Variants in NPEPPS observed in about 807,000 individuals in gnomAD.
NPEPPS encodes puromycin-sensitive aminopeptidase.
In NPEPPS, 14 loss-of-function variants were observed where a neutral mutation model predicts 115.5. The ratio of observed to expected loss-of-function variants is 0.12; its 90% CI spans 0.08 to 0.19. The LOEUF is 0.19. NPEPPS is among the 10% of genes least tolerant of loss of function. The pLI, the probability that NPEPPS is intolerant of heterozygous loss-of-function variation, is 1.00. For missense variants in NPEPPS, 523 were observed against 1,110.8 expected (o/e 0.47, Z 7.52); for synonymous variants, 285 against 390.6 (o/e 0.73, Z 3.19).
chr17:47,548,468 G>GT (rs1314940683), intron 2 of NPEPPS: 2 of 151,948 alleles, frequency 1.3e-5, no homozygotes, highest in Non-Finnish European at 2.9e-5. Flanking sequence ...AAAGTGGTAT[G>GT]TAGATAGGTA....
chr17:47,600,282 A>G (rs1486860946), intron 14 of NPEPPS, among the ~76,000 whole-genome samples: 1 of 152,122 alleles, frequency 6.6e-6, no homozygotes, highest in Non-Finnish European at 1.5e-5. Context: ...AAATAAATAA[A>G]TAAAATTAGC....
At chr17:47,610,888 C>CT (rs1356180731) in intron 17 of NPEPPS, among the ~76,000 whole-genome samples, 121 of 121,148 alleles carry the variant, frequency 1.0e-3, no homozygotes, top group Admixed American at 1.6e-3. Flanking sequence ...GAGTCTCACT[C>CT]TGTCTCCAGG....
At chr17:47,603,046 T>C (rs1214413828) in intron 15 of NPEPPS, among the ~76,000 whole-genome samples, 1 of 152,178 alleles carries the variant, frequency 6.6e-6, no homozygotes, top group Non-Finnish European at 1.5e-5. Context: ...ATTTGTATCT[T>C]ACTGTTTTAC....
chr17:47,604,961 C>T (rs1913426477), intron 16 of NPEPPS, among the ~76,000 whole-genome samples: 1 of 152,102 alleles, frequency 6.6e-6, no homozygotes, highest in Non-Finnish European at 1.5e-5. Context: ...TGCAGTTTTT[C>T]TGAAAGTATG....
At chr17:47,614,902 G>A (rs1914091821) in intron 19 of NPEPPS, among the ~76,000 whole-genome samples, 2 of 152,080 alleles carry the variant, frequency 1.3e-5, no homozygotes, top group South Asian at 4.1e-4. Context: ...ATGATAATCA[G>A]CTTCACTGTA....
chr17:47,544,855 G>GGT (rs1464233324), intron 1 of NPEPPS, among the ~76,000 whole-genome samples: 1 of 147,952 alleles, frequency 6.8e-6, no homozygotes, highest in Non-Finnish European at 1.5e-5. Flanking sequence ...TGGGATTACA[G>GGT]GTGTGTGCCA....
intron 8 of NPEPPS, chr17:47,586,705 T>G: frequency 2.0e-6 from 1 of 506,328 alleles, no homozygotes. Flanking sequence ...TTCCCTAATT[T>G]CATATCTTCT....
chr17:47,622,714 AT>A lies in NPEPPS; in HGVS notation c.*801del. ...TAAATAAGAGAAACTGATATACATT[AT>A]TTTTTTCTTTTTAAAGATGACTTAT... On this transcript the variant is annotated 3_prime_UTR_variant, in exon 23 of 23. Transcript: ENST00000322157. The A allele has an allele frequency of 1.0e-5, 4 of 392,578 alleles. No individual in the cohort carries two copies. Among genetic ancestry groups the A allele is most frequent in the South Asian group, 1.9e-5 (1 of 51,584 alleles). 24.3% of individuals were successfully genotyped at this position (392,578 alleles called of 1,614,324 possible). A position where few individuals can be genotyped will look rare whatever the true frequency, so the allele number is the denominator to read the frequency against.
intron 1 of NPEPPS, among the ~76,000 whole-genome samples, chr17:47,536,109 A>G (rs916301226): frequency 1.3e-5 from 2 of 152,118 alleles, no homozygotes; most frequent in Non-Finnish European, 2.9e-5. Context: ...TGTTGGGATT[A>G]CAGGCGTGAG....
At chr17:47,574,189 C>T (rs1007281292) in intron 3 of NPEPPS, among the ~76,000 whole-genome samples, 5 of 151,944 alleles carry the variant, frequency 3.3e-5, no homozygotes, top group African/African-American at 1.2e-4. Context: ...AAGCATTAAA[C>T]TCATAAAAAC....
intron 18 of NPEPPS, among the ~76,000 whole-genome samples, chr17:47,612,825 G>A (rs1378133626): frequency 1.3e-5 from 2 of 152,116 alleles, no homozygotes; most frequent in African/African-American, 2.4e-5. Context: ...ACCACGCCCA[G>A]CTAATTTTTG....
At chr17:47,548,590 C>CTTTTTTTT (rs538733982) in intron 2 of NPEPPS, among the ~76,000 whole-genome samples, 2 of 104,726 alleles carry the variant, frequency 1.9e-5, no homozygotes, top group Non-Finnish European at 3.9e-5. Flanking sequence ...CTGAAAAGTT[C>CTTTTTTTT]TTTTTTTTTT....
intron 13 of NPEPPS, among the ~76,000 whole-genome samples, chr17:47,596,947 CT>C (rs1347339236): frequency 6.6e-6 from 1 of 151,726 alleles, no homozygotes; most frequent in Non-Finnish European, 1.5e-5. Context: ...ACTCTGGAGA[CT>C]TAGGCAGGAG....
intron 15 of NPEPPS, 90 bp downstream of exon 15, chr17:47,601,837 G>GAAA: frequency 4.8e-6 from 5 of 1,037,270 alleles, no homozygotes; most frequent in South Asian, 3.5e-5. Flanking sequence ...TAGTTTCAAA[G>GAAA]AAAAAAAAAA....
intron 18 of NPEPPS, among the ~76,000 whole-genome samples, chr17:47,613,009 T>C (rs1200517739): frequency 6.6e-6 from 1 of 152,092 alleles, no homozygotes; most frequent in Non-Finnish European, 1.5e-5. Context: ...AAAACTGACC[T>C]AAGAACTGAC....
chr17:47,605,571 G>A lies in NPEPPS; in HGVS notation c.2095+19G>A, dbSNP rs1913465666. 1.4e-6 allele frequency: 2 copies of A among 1,464,402 alleles called. No individual in the cohort carries two copies. Among genetic ancestry groups the A allele is most frequent in the South Asian group, 1.2e-5 (1 of 82,492 alleles). The allele number at this position is 1,464,402 out of a possible 1,614,324, so 90.7% of individuals were successfully genotyped here. ...GGAGAAGGTAATGGATATACTAAAT[G>A]GAGAAAGAATTACGCAGAAGTTGGT... On this transcript the variant is annotated intron_variant, in intron 17 of 22. Coordinates refer to ENST00000322157, the MANE Select transcript of NPEPPS (RefSeq NM_006310.4).
rs375146985 is a variant in NPEPPS at position 47,560,989 on chromosome 17, G to T, written c.341-8428G>T. On this transcript the variant is annotated intron_variant, in intron 2 of 22. Coordinates refer to ENST00000322157, the MANE Select transcript of NPEPPS (RefSeq NM_006310.4). The stretch of plus-strand genomic sequence containing the variant: ...GATAATTTGTAAAGGAAAATTTGAA[G>T]TACAGTTGACTTGGCACTTCTGATA... 6.4e-4 allele frequency among the ~76,000 whole-genome samples: 98 copies of T among 152,272 alleles called. 1 individual carries two copies. In the South Asian group the frequency reaches 0.019, roughly 30 times the overall value.
chr17:47,616,754 C>T (rs888475288), intron 19 of NPEPPS, among the ~76,000 whole-genome samples: 5 of 144,396 alleles, frequency 3.5e-5, no homozygotes, highest in African/African-American at 1.3e-4. Flanking sequence ...CATTGCACTC[C>T]AGCATGGGCA....
chr17:47,545,751 G>A (rs1177760875), intron 1 of NPEPPS, among the ~76,000 whole-genome samples, 158 bp from the exon 2 acceptor site: 1 of 152,034 alleles, frequency 6.6e-6, no homozygotes, highest in Admixed American at 6.6e-5. Flanking sequence ...GTTTCGCCAT[G>A]TTTTCCAGGC....
Sources: gnomAD v4.1 joint callset for allele counts (sites outside exome capture counted in the v4.1 genomes callset) on GRCh38, gnomAD v4.1.1 for gene constraint, MANE v1.5 for transcripts, NCBI Gene and HGNC (gene_info 2026-07-23, HGNC 2026-07-21) for gene names.